The following PEX5L variants were observed in gnomAD, a reference collection of about 807,000 sequenced individuals.
PEX5L encodes the protein peroxisomal biogenesis factor 5 like.
A neutral mutation model predicts 84.0 loss-of-function variants in PEX5L; 30 were observed. The observed-to-expected ratio is 0.36, with a 90% CI of 0.27 to 0.48. PEX5L has a LOEUF of 0.48. Ranked by LOEUF, PEX5L falls within the 20% of genes least tolerant of loss-of-function variation. The pLI is 0.99. For missense variants in PEX5L, 533 were observed against 754.6 expected (o/e 0.71, Z 3.44); for synonymous variants, 270 against 283.1 (o/e 0.95, Z 0.46).
intron 2 of PEX5L, among the ~76,000 whole-genome samples, chr3:179,915,211 T>C (rs988412592): frequency 3.3e-5 from 5 of 152,112 alleles, no homozygotes; most frequent in African/African-American, 1.2e-4. Flanking sequence ...CACAAAAAAC[T>C]TTGATATAGC....
intron 1 of PEX5L, among the ~76,000 whole-genome samples, chr3:179,974,567 G>A (rs113767771): frequency 3.7e-4 from 57 of 152,312 alleles, no homozygotes; most frequent in African/African-American, 1.3e-3. Context: ...CCCATAAGAA[G>A]CTTTCAGCTC....
intron 2 of PEX5L, among the ~76,000 whole-genome samples, chr3:179,922,203 GA>G (rs1292583958): frequency 1.3e-5 from 2 of 152,134 alleles, no homozygotes; most frequent in Non-Finnish European, 2.9e-5. Context: ...CAGGCTGGGG[GA>G]ATGTGGCAAA....
At chr3:179,965,518 A>C (rs1311093388) in intron 2 of PEX5L, among the ~76,000 whole-genome samples, 1 of 152,188 alleles carries the variant, frequency 6.6e-6, no homozygotes, top group Non-Finnish European at 1.5e-5. Context: ...AGGGCAATGG[A>C]TTCTTTCCTC....
chr3:179,800,797 T>C lies in PEX5L; in HGVS notation c.*1031A>G, dbSNP rs1577060189. The C allele has an allele frequency of 6.6e-6, 1 of 152,220 alleles. No individual in the cohort carries two copies. Among genetic ancestry groups the C allele is most frequent in the African/African-American group, 2.4e-5 (1 of 41,456 alleles). The allele number at this position is 152,220 out of a possible 1,614,324, so 9.4% of individuals were successfully genotyped here. On this transcript the variant is annotated 3_prime_UTR_variant, in exon 15 of 15. Coordinates refer to ENST00000467460, the MANE Select transcript of PEX5L (RefSeq NM_016559.3). ...CACTCTTAAGAAATATTATTTAAAA[T>C]ATTTATGGTTTAAAAGGAATATTGG...
At chr3:180,024,544 C>CA (rs59981273) in intron 1 of PEX5L, among the ~76,000 whole-genome samples, 2,568 of 107,082 alleles carry the variant, frequency 0.024, 79 homozygotes, top group African/African-American at 0.064. Flanking sequence ...GACTCCGTTT[C>CA]AAAAAAAAAA....
At chr3:179,841,968 T>C (rs1391008575) in intron 8 of PEX5L, among the ~76,000 whole-genome samples, 1 of 152,210 alleles carries the variant, frequency 6.6e-6, no homozygotes, top group Non-Finnish European at 1.5e-5. Context: ...CGTCATGTCA[T>C]AAATGTTCCT....
At chr3:179,963,629 T>G (rs189446229) in intron 2 of PEX5L, among the ~76,000 whole-genome samples, 1 of 152,226 alleles carries the variant, frequency 6.6e-6, no homozygotes, top group Non-Finnish European at 1.5e-5. Context: ...GATTATATAC[T>G]GTTTAAAATT....
At chr3:179,899,072 T>A (rs1760344419) in intron 2 of PEX5L, among the ~76,000 whole-genome samples, 1 of 151,982 alleles carries the variant, frequency 6.6e-6, no homozygotes, top group Non-Finnish European at 1.5e-5. Context: ...CACATACATA[T>A]CCCTATGTTA....
rs1469805154 is a variant in PEX5L at position 179,800,429 on chromosome 3, T to G, written c.*1399A>C. 6.6e-6 allele frequency: 1 copy of G among 152,206 alleles called. No homozygotes were observed. Among genetic ancestry groups the G allele is most frequent in the African/African-American group, 2.4e-5 (1 of 41,446 alleles). 9.4% of individuals were successfully genotyped at this position (152,206 alleles called of 1,614,324 possible). ...AATGGGATAACTTCTATACCTGACA[T>G]TGGGAAAATTATATTCTGATTAGCA... On this transcript the variant is annotated 3_prime_UTR_variant, in exon 15 of 15. Coordinates refer to ENST00000467460, the MANE Select transcript of PEX5L (RefSeq NM_016559.3).
rs139869540 is a variant in PEX5L, at chr3:180,026,938, T to C, written c.21+9641A>G. 4.2e-3 allele frequency among the ~76,000 whole-genome samples: 647 copies of C among 152,330 alleles called. 11 individuals are homozygous for C. Among genetic ancestry groups the C allele is most frequent in the African/African-American group, 0.015 (608 of 41,574 alleles). ...TCTCAGTCTTGGTGAGAAGCCAATA[T>C]GCACTTTTACAGACTATCTTGGAGC... is the stretch of plus-strand genomic sequence containing the variant. On this transcript the variant is annotated intron_variant, in intron 1 of 14. Transcript: ENST00000467460.
chr3:179,967,574 A>G (rs542430703), intron 2 of PEX5L, among the ~76,000 whole-genome samples: 2 of 152,320 alleles, frequency 1.3e-5, no homozygotes, highest in South Asian at 4.1e-4. Context: ...GGATTTAGCC[A>G]GACTGCAAAC....
chr3:179,831,850 G>A (rs1274613520), intron 8 of PEX5L, among the ~76,000 whole-genome samples: 1 of 152,202 alleles, frequency 6.6e-6, no homozygotes. Context: ...TGATTATGAC[G>A]ATGCCAGTGT....
At chr3:179,884,531 G>GA (rs2108817110) in intron 4 of PEX5L, among the ~76,000 whole-genome samples, 1 of 152,320 alleles carries the variant, frequency 6.6e-6, no homozygotes, top group African/African-American at 2.4e-5. Context: ...TTGATTTTAG[G>GA]ATAATAAATT....
At chr3:180,033,221 T>C (rs1402666367) in intron 1 of PEX5L, among the ~76,000 whole-genome samples, 1 of 152,230 alleles carries the variant, frequency 6.6e-6, no homozygotes, top group Non-Finnish European at 1.5e-5. Context: ...GTTAATAATC[T>C]TACAATTTTT....
chr3:179,997,613 T>G (rs1391336604), intron 1 of PEX5L, among the ~76,000 whole-genome samples: 1 of 152,204 alleles, frequency 6.6e-6, no homozygotes, highest in African/African-American at 2.4e-5. Context: ...GGGGTGGTAA[T>G]TCCCACCACA....
chr3:179,999,012 A>G (rs1188040838), intron 1 of PEX5L, among the ~76,000 whole-genome samples: 1 of 152,222 alleles, frequency 6.6e-6, no homozygotes, highest in African/African-American at 2.4e-5. Context: ...ACAGCAGTGA[A>G]AGGAAGTCTT....
At chr3:179,803,445 C>T (rs1339897507) in intron 14 of PEX5L, among the ~76,000 whole-genome samples, 1 of 152,138 alleles carries the variant, frequency 6.6e-6, no homozygotes, top group Non-Finnish European at 1.5e-5. Context: ...GTCCTGAGAA[C>T]ACCAAGTCTG....
chr3:179,964,757 G>A (rs1395106121), intron 2 of PEX5L, among the ~76,000 whole-genome samples: 1 of 151,996 alleles, frequency 6.6e-6, no homozygotes, highest in Non-Finnish European at 1.5e-5. Context: ...AGATAACAAG[G>A]GGATCTTACA....
At chr3:179,980,973 G>A (rs747712467) in intron 1 of PEX5L, among the ~76,000 whole-genome samples, 1 of 150,594 alleles carries the variant, frequency 6.6e-6, no homozygotes, top group African/African-American at 2.5e-5. Context: ...GCAGTGAGCC[G>A]AGATTGTACC....
Sources: gnomAD v4.1 joint callset for allele counts (sites outside exome capture counted in the v4.1 genomes callset) on GRCh38, gnomAD v4.1.1 for gene constraint, MANE v1.5 for transcripts, NCBI Gene and HGNC (gene_info 2026-07-23, HGNC 2026-07-21) for gene names.